The following RANBP3L variants were observed in gnomAD, a reference collection of about 807,000 sequenced individuals.
The protein encoded by RANBP3L is RAN binding protein 3 like.
A neutral mutation model predicts 67.2 loss-of-function variants in RANBP3L; 56 were observed. The ratio of observed to expected loss-of-function variants is 0.83; its 90% CI spans 0.67 to 1.04. The LOEUF (loss-of-function observed/expected upper bound fraction) is 1.04, where lower values mean the gene tolerates loss of function less well. Among genes scored for constraint, RANBP3L ranks in the 50% least tolerant of loss-of-function variants. The pLI, the probability that RANBP3L is intolerant of heterozygous loss-of-function variation, is 0.00. For synonymous variants in RANBP3L, 164 were observed against 181.4 expected, an observed-to-expected ratio of 0.90 and a Z score of 0.77; for missense variants, 496 against 535.5, an observed-to-expected ratio of 0.93 and a Z score of 0.73.
intron 1 of RANBP3L, among the ~76,000 whole-genome samples, chr5:36,285,117 A>C (rs1751232228): frequency 6.6e-6 from 1 of 152,190 alleles, no homozygotes; most frequent in African/African-American, 2.4e-5. Context: ...AAGTACTGAA[A>C]AACAGTGTCT....
At chr5:36,280,069 C>G (rs1482715126) in intron 1 of RANBP3L, among the ~76,000 whole-genome samples, 1 of 152,144 alleles carries the variant, frequency 6.6e-6, no homozygotes, top group East Asian at 1.9e-4. Flanking sequence ...ACATCTGATT[C>G]TCATGCTGAT....
At chr5:36,301,295 A>C in intron 1 of RANBP3L, 31 bp downstream of exon 1, 1 of 1,512,322 alleles carries the variant, frequency 6.6e-7, no homozygotes, top group Non-Finnish European at 9.2e-7. Context: ...AAGGTCACAG[A>C]ATATGCAACT....
intron 1 of RANBP3L, among the ~76,000 whole-genome samples, chr5:36,295,847 A>G (rs752566660): frequency 8.6e-5 from 13 of 152,046 alleles, no homozygotes; most frequent in Non-Finnish European, 1.5e-4. Context: ...GGGCTGTCAC[A>G]TCAAAAAGCC....
intron 8 of RANBP3L, 36 bp from the exon 9 acceptor site, chr5:36,257,592 A>T (rs1345550781): frequency 1.0e-6 from 1 of 981,802 alleles, no homozygotes; most frequent in Non-Finnish European, 1.5e-6. Context: ...TTTATTTAAT[A>T]AAAGTTTTAA....
intron 10 of RANBP3L, 75 bp from the exon 11 acceptor site, chr5:36,255,665 C>T (rs1203041353): frequency 6.2e-6 from 6 of 965,298 alleles, no homozygotes; most frequent in African/African-American, 3.3e-5. Flanking sequence ...TGTTATGACA[C>T]GTTTATATGT....
chr5:36,271,095 T>C (rs1750175978), intron 2 of RANBP3L, among the ~76,000 whole-genome samples, 158 bp downstream of exon 2: 1 of 152,324 alleles, frequency 6.6e-6, no homozygotes. Flanking sequence ...AAACTGAAGT[T>C]TGTAAATCCT....
intron 6 of RANBP3L, 143 bp downstream of exon 6, chr5:36,264,816 G>T: frequency 1.4e-6 from 1 of 700,676 alleles, no homozygotes; most frequent in Non-Finnish European, 2.5e-6. Context: ...ACTTTGAAAA[G>T]TTTACCAAGG....
chr5:36,264,861 C>T lies in RANBP3L; in HGVS notation c.480+98G>A, dbSNP rs561861847. Reference sequence around the variant, plus strand: ...TATCTAGCCCAACAACAAAACAAAGCTCAGACAACTCCTATTTCTGGATAT... The same window carrying T: ...TATCTAGCCCAACAACAAAACAAAGTTCAGACAACTCCTATTTCTGGATAT... On this transcript the variant is annotated intron_variant, in intron 6 of 13. Transcript: ENST00000296604. The T allele has an allele frequency of 6.7e-5, 71 of 1,065,252 alleles. 1 individual carries two copies. The East Asian group carries it at 1.6e-3, about 24-fold the overall frequency. The allele number at this position is 1,065,252 out of a possible 1,614,324, so 66.0% of individuals were successfully genotyped here. A position where few individuals can be genotyped will look rare whatever the true frequency, so the allele number is the denominator to read the frequency against.
chr5:36,286,898 C>G (rs1282761149), intron 1 of RANBP3L, among the ~76,000 whole-genome samples: 1 of 152,126 alleles, frequency 6.6e-6, no homozygotes, highest in Non-Finnish European at 1.5e-5. Context: ...CCCTGAGCAC[C>G]CTGCTTAAAT....
intron 1 of RANBP3L, among the ~76,000 whole-genome samples, chr5:36,300,495 A>C (rs1408075784): frequency 1.3e-5 from 2 of 152,192 alleles, no homozygotes; most frequent in Non-Finnish European, 2.9e-5. Flanking sequence ...CTGCGTCTAC[A>C]GAAAAATAAT....
At chr5:36,293,143 AT>A (rs1186684868) in intron 1 of RANBP3L, among the ~76,000 whole-genome samples, 2 of 88,074 alleles carry the variant, frequency 2.3e-5, no homozygotes, top group African/African-American at 8.8e-5. Flanking sequence ...ATTCCTAGGT[AT>A]TTTATTCTCT....
chr5:36,277,963 C>G (rs1258449110), intron 1 of RANBP3L, among the ~76,000 whole-genome samples: 1 of 152,090 alleles, frequency 6.6e-6, no homozygotes, highest in East Asian at 1.9e-4. Context: ...CTTTATAAAA[C>G]CACCAGATCT....
At chr5:36,293,739 C>T (rs1751979493) in intron 1 of RANBP3L, among the ~76,000 whole-genome samples, 2 of 149,090 alleles carry the variant, frequency 1.3e-5, no homozygotes, top group Non-Finnish European at 3.0e-5. Context: ...CCTTGCATCC[C>T]AGGGATGAAG....
At chr5:36,263,567 T>C (rs1749546144) in intron 6 of RANBP3L, among the ~76,000 whole-genome samples, 1 of 152,206 alleles carries the variant, frequency 6.6e-6, no homozygotes, top group Non-Finnish European at 1.5e-5. Flanking sequence ...GCATCACTTC[T>C]TTTTTCTCTT....
intron 1 of RANBP3L, among the ~76,000 whole-genome samples, chr5:36,281,512 G>A (rs1750967837): frequency 6.6e-6 from 1 of 152,114 alleles, no homozygotes; most frequent in Non-Finnish European, 1.5e-5. Context: ...CTTCCATTGT[G>A]AGTTAAACGA....
chr5:36,255,390 A>G lies in RANBP3L; in HGVS notation c.1024+80T>C, dbSNP rs1748896052. 2.2e-6 allele frequency: 3 copies of G among 1,343,838 alleles called. No individual in the cohort carries two copies. In the African/African-American group the frequency reaches 4.5e-5, roughly 20 times the overall value. 83.2% of individuals were successfully genotyped at this position (1,343,838 alleles called of 1,614,324 possible). A position where few individuals can be genotyped will look rare whatever the true frequency, so the allele number is the denominator to read the frequency against. ...GTATTTTATAGCACATCTCCAGAAA[A>G]TGATGTGTACCTATATTATTATAAG... On this transcript the variant is annotated intron_variant, in intron 11 of 13. Transcript: ENST00000296604.
intron 4 of RANBP3L, chr5:36,268,048 A>G (rs1329565673): frequency 1.3e-5 from 6 of 453,422 alleles, no homozygotes; most frequent in African/African-American, 2.0e-5. Context: ...TTCATAAGGT[A>G]TTCTTCGATG....
chr5:36,296,232 G>A (rs1409180086), intron 1 of RANBP3L, among the ~76,000 whole-genome samples: 2 of 152,148 alleles, frequency 1.3e-5, no homozygotes, highest in African/African-American at 2.4e-5. Context: ...GTTGTGGGAC[G>A]TCTTTAATTT....
intron 1 of RANBP3L, among the ~76,000 whole-genome samples, chr5:36,298,351 C>A (rs527737807): frequency 6.6e-6 from 1 of 151,362 alleles, no homozygotes. Flanking sequence ...AAGCTAGTCA[C>A]GCCTACAGAA....
Sources: allele counts gnomAD v4.1 joint callset (sites outside exome capture counted in the v4.1 genomes callset), GRCh38; gene constraint gnomAD v4.1.1; transcripts MANE v1.5; gene names NCBI Gene and HGNC (gene_info 2026-07-23, HGNC 2026-07-21).